Variants in JDP2 observed in about 807,000 individuals in gnomAD.
JDP2 encodes the protein Jun dimerization protein 2, also known as progesterone receptor co-activator.
In JDP2, 9 loss-of-function variants were observed where a neutral mutation model predicts 17.1. That is an observed-to-expected ratio of 0.53 (90% CI 0.32 to 0.92). JDP2 has a LOEUF of 0.92. JDP2 is among the 40% of genes least tolerant of loss of function. The probability of loss-of-function intolerance (pLI) is 0.04; values close to 1 mark genes in which losing one functional copy is unlikely to be tolerated. For missense variants in JDP2, 179 were observed against 220.0 expected, an observed-to-expected ratio of 0.81 and a Z score of 1.18; for synonymous variants, 107 against 95.6, an observed-to-expected ratio of 1.12 and a Z score of -0.69.
At chr14:75,447,492 A>G (rs1238981750) in intron 2 of JDP2, among the ~76,000 whole-genome samples, 6 of 152,180 alleles carry the variant, frequency 3.9e-5, no homozygotes, top group Admixed American at 3.9e-4. Flanking sequence ...CATACCTATT[A>G]GTTATCAGAC....
At position 75,428,126 on chromosome 14, in the gene JDP2, C is replaced by G. The variant is rs1884609944; in HGVS notation, c.-150C>G. 1 of 146,138 alleles carries G rather than the reference C, an allele frequency of 6.8e-6. No individual in the cohort carries two copies. The highest frequency in any genetic ancestry group is 2.5e-5 in the African/African-American group (1 of 40,696). 9.1% of individuals were successfully genotyped at this position (146,138 alleles called of 1,614,324 possible). A position where few individuals can be genotyped will look rare whatever the true frequency, so the allele number is the denominator to read the frequency against. On this transcript the variant is annotated 5_prime_UTR_variant, in exon 1 of 4. Transcript: ENST00000651602. The surrounding 1 kb of genome is among the most constrained non-coding windows in gnomAD (Gnocchi z 5.6). Reference sequence around the variant, plus strand: ...GCGGGGCTGGCGCCGCGGCGGCTCCCGGGCCGGGACAGGCCTGGGCACCGG... The same window carrying G: ...GCGGGGCTGGCGCCGCGGCGGCTCCGGGGCCGGGACAGGCCTGGGCACCGG...
intron 2 of JDP2, among the ~76,000 whole-genome samples, chr14:75,442,712 A>C (rs1352336844): frequency 2.0e-5 from 3 of 152,238 alleles, no homozygotes; most frequent in Non-Finnish European, 4.4e-5. Context: ...ACCTTGGGAA[A>C]CTTCTTAAAA....
At chr14:75,436,695 T>C (rs1484564612) in intron 1 of JDP2, among the ~76,000 whole-genome samples, 2 of 152,238 alleles carry the variant, frequency 1.3e-5, no homozygotes, top group African/African-American at 4.8e-5. Context: ...ACTGGCTTTA[T>C]TGGCAGACCA....
intron 1 of JDP2, among the ~76,000 whole-genome samples, chr14:75,432,831 A>C (rs1198273548): frequency 6.6e-6 from 1 of 152,182 alleles, no homozygotes. Flanking sequence ...ATCGTTGGGC[A>C]CTTTCTAGCA....
intron 2 of JDP2, chr14:75,445,423 G>T: frequency 1.0e-6 from 1 of 985,380 alleles, no homozygotes; most frequent in Non-Finnish European, 1.2e-6. Context: ...TAGTGCATGT[G>T]TATGCTCTGA....
intron 2 of JDP2, among the ~76,000 whole-genome samples, chr14:75,455,393 G>A (rs1886056849): frequency 6.6e-6 from 1 of 152,094 alleles, no homozygotes. Context: ...ACTGGGGGTG[G>A]ACTTATGTAA....
At chr14:75,453,317 G>A (rs1885953430) in intron 2 of JDP2, among the ~76,000 whole-genome samples, 1 of 152,198 alleles carries the variant, frequency 6.6e-6, no homozygotes, top group Non-Finnish European at 1.5e-5. Context: ...CATGCAGGGG[G>A]GGCCCTGGTG....
At chr14:75,462,533 G>T (rs954476331) in intron 3 of JDP2, among the ~76,000 whole-genome samples, 14 of 152,148 alleles carry the variant, frequency 9.2e-5, no homozygotes, top group Admixed American at 9.2e-4. Context: ...GAAGTGTGGG[G>T]CTGAGTAATT....
At chr14:75,453,791 G>A (rs766929734) in intron 2 of JDP2, among the ~76,000 whole-genome samples, 1 of 152,222 alleles carries the variant, frequency 6.6e-6, no homozygotes, top group African/African-American at 2.4e-5. Flanking sequence ...GATGCCACAA[G>A]TCTCAGATTA....
intron 2 of JDP2, among the ~76,000 whole-genome samples, chr14:75,450,920 G>A (rs1055363158): frequency 1.3e-5 from 2 of 152,226 alleles, no homozygotes; most frequent in African/African-American, 4.8e-5. Flanking sequence ...CCTACAGGGT[G>A]TGAAAATCAG....
chr14:75,457,894 C>T (rs558098770), intron 2 of JDP2, among the ~76,000 whole-genome samples: 1 of 152,356 alleles, frequency 6.6e-6, no homozygotes, highest in Admixed American at 6.5e-5. Context: ...GGGGAAAAGG[C>T]CATGCAGATG....
chr14:75,456,763 C>T (rs1886126495), intron 2 of JDP2, among the ~76,000 whole-genome samples: 1 of 152,242 alleles, frequency 6.6e-6, no homozygotes, highest in African/African-American at 2.4e-5. Flanking sequence ...CACTCAGGAT[C>T]TCCCTGTCCA....
intron 2 of JDP2, among the ~76,000 whole-genome samples, chr14:75,449,104 T>G (rs1233898405): frequency 6.6e-6 from 1 of 152,234 alleles, no homozygotes; most frequent in Admixed American, 6.5e-5. Flanking sequence ...GAGATTTGTC[T>G]GTTATCTGTG....
intron 2 of JDP2, among the ~76,000 whole-genome samples, chr14:75,447,286 G>A (rs1188302091): frequency 6.6e-6 from 1 of 152,174 alleles, no homozygotes; most frequent in African/African-American, 2.4e-5. Context: ...TCATACACAA[G>A]CAATGCACTT....
chr14:75,433,726 T>A (rs549579360), intron 1 of JDP2, among the ~76,000 whole-genome samples: 1 of 152,128 alleles, frequency 6.6e-6, no homozygotes, highest in East Asian at 1.9e-4. Context: ...CCATCTTGGA[T>A]GTGTGCTTCA....
At chr14:75,463,771 C>T (rs762758157) in intron 3 of JDP2, among the ~76,000 whole-genome samples, 8 of 152,182 alleles carry the variant, frequency 5.3e-5, no homozygotes, top group Middle Eastern at 3.4e-3. Context: ...GGCCCAGATC[C>T]CTCATAATAG....
chr14:75,456,015 T>A (rs1886088160), intron 2 of JDP2, among the ~76,000 whole-genome samples: 1 of 152,160 alleles, frequency 6.6e-6, no homozygotes, highest in South Asian at 2.1e-4. Context: ...CTGGGGACCA[T>A]CTTCAGCTCC....
chr14:75,439,166 C>A (rs563695997), intron 2 of JDP2, among the ~76,000 whole-genome samples: 1 of 152,102 alleles, frequency 6.6e-6, no homozygotes, highest in African/African-American at 2.4e-5. Flanking sequence ...TCTGGGTACC[C>A]GTAGGGGAGA....
chr14:75,439,577 C>T (rs1885239273), intron 2 of JDP2, among the ~76,000 whole-genome samples: 2 of 152,210 alleles, frequency 1.3e-5, no homozygotes, highest in Admixed American at 1.3e-4. Context: ...CCTTCATTTA[C>T]CTCTACTGCC....
Sources: allele counts gnomAD v4.1 joint callset (sites outside exome capture counted in the v4.1 genomes callset), GRCh38; gene constraint gnomAD v4.1.1; non-coding constraint Gnocchi (gnomAD v3.1); transcripts MANE v1.5; gene names NCBI Gene and HGNC (gene_info 2026-07-23, HGNC 2026-07-21).